FAM53B: variants seen among roughly 807,000 people sequenced by gnomAD.
FAM53B encodes the protein family with sequence similarity 53 member B.
A neutral mutation model predicts 32.7 loss-of-function variants in FAM53B; 12 were observed. The observed-to-expected ratio is 0.37, with a 90% CI of 0.24 to 0.59. FAM53B has a LOEUF of 0.59. FAM53B is among the 20% of genes least tolerant of loss of function. The pLI, the probability that FAM53B is intolerant of heterozygous loss-of-function variation, is 0.72. For synonymous variants in FAM53B, 234 were observed against 228.7 expected (o/e 1.02, Z -0.21); for missense variants, 477 against 577.7 (o/e 0.83, Z 1.79).
At chr10:124,716,746 G>A (rs1950040637) in intron 1 of FAM53B, among the ~76,000 whole-genome samples, 1 of 152,166 alleles carries the variant, frequency 6.6e-6, no homozygotes, top group South Asian at 2.1e-4. Context: ...GAAGCTGCTT[G>A]ACACACTCAA....
At chr10:124,654,030 A>G (rs968852956) in intron 4 of FAM53B, among the ~76,000 whole-genome samples, 6 of 152,142 alleles carry the variant, frequency 3.9e-5, no homozygotes, top group African/African-American at 1.4e-4. Context: ...GGACGCAGGG[A>G]GGAGGGGCAT....
chr10:124,657,225 GA>G (rs1406079116), intron 4 of FAM53B, among the ~76,000 whole-genome samples: 14 of 147,950 alleles, frequency 9.5e-5, no homozygotes, highest in Non-Finnish European at 2.1e-4. Context: ...TAAAAGAAAG[GA>G]AAAAAAACTG....
chr10:124,631,217 C>A (rs1023307231), intron 4 of FAM53B, among the ~76,000 whole-genome samples: 27 of 152,340 alleles, frequency 1.8e-4, no homozygotes, highest in African/African-American at 6.3e-4. Context: ...GGATTCTTTA[C>A]ACAGTGTAGC....
chr10:124,640,619 G>A (rs188421712), intron 4 of FAM53B, among the ~76,000 whole-genome samples: 4 of 152,296 alleles, frequency 2.6e-5, no homozygotes, highest in East Asian at 1.9e-4. Flanking sequence ...GCAGAGCCTC[G>A]AATGATGGCA....
At chr10:124,636,033 T>C (rs1446451540) in intron 4 of FAM53B, among the ~76,000 whole-genome samples, 2 of 152,262 alleles carry the variant, frequency 1.3e-5, no homozygotes, top group Non-Finnish European at 2.9e-5. Context: ...GAGTTTACTC[T>C]GTATGTTGTT....
At chr10:124,660,785 T>C (rs1286095359) in intron 4 of FAM53B, among the ~76,000 whole-genome samples, 1 of 152,206 alleles carries the variant, frequency 6.6e-6, no homozygotes, top group Non-Finnish European at 1.5e-5. Flanking sequence ...TAAATATTTA[T>C]GTTCTGTAAG....
intron 2 of FAM53B, among the ~76,000 whole-genome samples, chr10:124,696,565 TGAG>T (rs1364704605): frequency 6.6e-6 from 1 of 152,056 alleles, no homozygotes; most frequent in Non-Finnish European, 1.5e-5. Context: ...TGAGCTGGGC[TGAG>T]AAGAGACCAA....
chr10:124,661,305 CTG>C (rs1195640622), intron 4 of FAM53B, among the ~76,000 whole-genome samples: 3 of 152,178 alleles, frequency 2.0e-5, no homozygotes, highest in Admixed American at 6.5e-5. Context: ...ACTGGGACCT[CTG>C]TCCTCTGTGA....
chr10:124,695,073 A>G (rs1949860527), intron 3 of FAM53B, among the ~76,000 whole-genome samples: 1 of 152,184 alleles, frequency 6.6e-6, no homozygotes, highest in Admixed American at 6.5e-5. Context: ...CACCTCATCT[A>G]TGGCAACTGT....
At chr10:124,706,997 T>C in intron 1 of FAM53B, 110 bp from the exon 2 acceptor site, 1 of 1,011,786 alleles carries the variant, frequency 9.9e-7, no homozygotes, top group South Asian at 2.0e-5. Flanking sequence ...ACCACCTCTC[T>C]GCTAAAGGAG....
At chr10:124,690,407 G>A (rs1949826234) in intron 3 of FAM53B, among the ~76,000 whole-genome samples, 1 of 152,234 alleles carries the variant, frequency 6.6e-6, no homozygotes, top group South Asian at 2.1e-4. Context: ...TAGACCCAAG[G>A]TCATGCTCTT....
At chr10:124,740,146 A>G (rs990448250) in intron 1 of FAM53B, among the ~76,000 whole-genome samples, 8 of 152,090 alleles carry the variant, frequency 5.3e-5, no homozygotes. Flanking sequence ...CCAGCACAGC[A>G]CTCTGTTGCT....
intron 3 of FAM53B, 84 bp downstream of exon 3, chr10:124,696,074 T>C: frequency 4.6e-6 from 5 of 1,080,994 alleles, no homozygotes; most frequent in South Asian, 2.6e-5. Flanking sequence ...GTCCAGAAAG[T>C]GCTTTGAGTG....
At chr10:124,741,026 G>C (rs539676014) in intron 1 of FAM53B, among the ~76,000 whole-genome samples, 4 of 152,310 alleles carry the variant, frequency 2.6e-5, no homozygotes, top group Admixed American at 2.6e-4. Flanking sequence ...CCTGAGCTCG[G>C]GATTCTCCCC....
chr10:124,727,788 C>T (rs1054121761), intron 1 of FAM53B, among the ~76,000 whole-genome samples: 3 of 152,042 alleles, frequency 2.0e-5, no homozygotes, highest in Admixed American at 6.5e-5. Context: ...CCACCGTGGA[C>T]GGCTCTGGCT....
At chr10:124,673,400 T>C (rs927096115) in intron 4 of FAM53B, among the ~76,000 whole-genome samples, 2 of 152,208 alleles carry the variant, frequency 1.3e-5, no homozygotes, top group African/African-American at 4.8e-5. Context: ...AACCCACCCA[T>C]GAGAACTTGC....
intron 1 of FAM53B, among the ~76,000 whole-genome samples, chr10:124,717,722 G>T (rs951334800): frequency 3.3e-5 from 5 of 152,164 alleles, no homozygotes; most frequent in African/African-American, 1.2e-4. Flanking sequence ...CAATCCTTAT[G>T]CATACAGGGG....
At chr10:124,670,299 C>T (rs1949700210) in intron 4 of FAM53B, among the ~76,000 whole-genome samples, 1 of 152,130 alleles carries the variant, frequency 6.6e-6, no homozygotes, top group Non-Finnish European at 1.5e-5. Context: ...CTCCTTGAAC[C>T]GGTTTCCCTG....
intron 1 of FAM53B, among the ~76,000 whole-genome samples, chr10:124,735,704 G>C (rs1950169523): frequency 6.6e-6 from 1 of 152,218 alleles, no homozygotes; most frequent in Non-Finnish European, 1.5e-5. Context: ...CAGGCTGCGT[G>C]AGATACTCAC....
Sources: allele counts gnomAD v4.1 joint callset (sites outside exome capture counted in the v4.1 genomes callset), GRCh38; gene constraint gnomAD v4.1.1; transcripts MANE v1.5; gene names NCBI Gene and HGNC (gene_info 2026-07-23, HGNC 2026-07-21).